PCDHGB1: variants seen among roughly 807,000 people sequenced by gnomAD.
The protein encoded by PCDHGB1 is protocadherin gamma-B1.
PCDHGB1 carries 34 observed loss-of-function variants against 56.6 expected under a neutral mutation model. The ratio of observed to expected loss-of-function variants is 0.60; its 90% confidence interval spans 0.46 to 0.80. PCDHGB1 has a LOEUF of 0.80. Ranked by LOEUF, PCDHGB1 falls within the 30% of genes least tolerant of loss-of-function variation. The pLI is 0.00. For synonymous variants in PCDHGB1, 561 were observed against 505.9 expected, an observed-to-expected ratio of 1.11 and a Z score of -1.46; for missense variants, 1,278 against 1,204.6, an observed-to-expected ratio of 1.06 and a Z score of -0.90.
chr5:141,355,168 C>G (rs767745541), intron 1 of PCDHGB1: 2 of 1,568,276 alleles, frequency 1.3e-6, no homozygotes, highest in Admixed American at 1.8e-5. Flanking sequence ...AGAGGGAAAA[C>G]CGAAGCACAG....
chr5:141,414,597 C>T, intron 1 of PCDHGB1: 5 of 1,613,972 alleles, frequency 3.1e-6, no homozygotes, highest in Non-Finnish European at 3.4e-6. Flanking sequence ...GGGGTGCCTC[C>T]ATCTTCTCAG....
At position 141,431,566 on chromosome 5, in the gene PCDHGB1, T is replaced by G; in HGVS notation, c.2410-63241T>G. ...TGCTTGTAGTCAACGCTACCGACCCTGACGAAGGAGTCAATGCGGAAGTGA... is the reference window on the plus strand; with the variant it reads ...TGCTTGTAGTCAACGCTACCGACCCGGACGAAGGAGTCAATGCGGAAGTGA... On this transcript the variant is annotated intron_variant, in intron 1 of 3. Transcript: ENST00000523390. This position sits in a 1 kb window ranked among gnomAD's most constrained non-coding sequence, Gnocchi z 4.8. 6.2e-7 allele frequency: 1 copy of G among 1,614,128 alleles called. No homozygotes were observed. The highest frequency in any genetic ancestry group is 1.1e-5 in the South Asian group (1 of 91,088).
At chr5:141,393,617 C>A (rs746699091) in intron 1 of PCDHGB1, 4 of 1,613,770 alleles carry the variant, frequency 2.5e-6, no homozygotes, top group African/African-American at 2.7e-5. Context: ...CAGCCAGCGA[C>A]CCGGATGAGG....
intron 1 of PCDHGB1, chr5:141,395,233 G>T: frequency 6.2e-7 from 1 of 1,602,052 alleles, no homozygotes; most frequent in Non-Finnish European, 8.5e-7. Context: ...GCTGATCATG[G>T]TCAGGTGAGT....
intron 1 of PCDHGB1, chr5:141,395,547 TGTGTGTGTGTGTG>T (rs2093269474): frequency 0.024 from 4,142 of 174,004 alleles, 329 homozygotes; most frequent in East Asian, 0.047. Flanking sequence ...ATTGTTTGTG[TGTGTGTGTGTGTG>T]TGTGTGTGTG....
In PCDHGB1 at chr5:141,487,579, A is replaced by G. The variant is rs779441421; in HGVS notation, c.2410-7228A>G. 60 of 1,614,022 alleles carry G rather than the reference A, an allele frequency of 3.7e-5. No homozygotes were observed. The South Asian group carries it at 6.0e-4, about 16-fold the overall frequency. The stretch of plus-strand genomic sequence containing the variant: ...CTATGGCAGGGGAGCCTGTTCGCCC[A>G]AGCTGCCCACCCTCTGATCTTCTCT... On this transcript the variant is annotated intron_variant, in intron 1 of 3. Transcript: ENST00000523390. This position sits in a 1 kb window ranked among gnomAD's most constrained non-coding sequence, Gnocchi z 5.0.
chr5:141,480,225 G>A (rs1217912404), intron 1 of PCDHGB1, among the ~76,000 whole-genome samples: 1 of 147,152 alleles, frequency 6.8e-6, no homozygotes, highest in East Asian at 2.0e-4. Flanking sequence ...GCGACATAGT[G>A]AGATCCTGTC....
chr5:141,414,498 C>CT (rs748856262), intron 1 of PCDHGB1: 40 of 1,613,848 alleles, frequency 2.5e-5, no homozygotes, highest in Non-Finnish European at 3.3e-5. Context: ...CGGAAGCTCA[C>CT]TTTATGCTAC....
At chr5:141,360,654 T>A (rs764068570) in intron 1 of PCDHGB1, 3 of 1,614,006 alleles carry the variant, frequency 1.9e-6, no homozygotes, top group Non-Finnish European at 2.5e-6. Flanking sequence ...ACCACCTTAA[T>A]GACAACGAGT....
intron 1 of PCDHGB1, chr5:141,402,906 C>T: frequency 1.3e-6 from 2 of 1,529,180 alleles, no homozygotes; most frequent in Non-Finnish European, 1.8e-6. Context: ...CCTGATGAAG[C>T]AGCGCGCACA....
intron 2 of PCDHGB1, among the ~76,000 whole-genome samples, chr5:141,495,471 G>A (rs2099761632): frequency 6.6e-6 from 1 of 152,190 alleles, no homozygotes; most frequent in Non-Finnish European, 1.5e-5. Context: ...TGGGGTCTCC[G>A]TGTCTCTGCC....
intron 1 of PCDHGB1, chr5:141,355,887 CATA>C (rs759872200): frequency 1.1e-5 from 17 of 1,613,492 alleles, no homozygotes; most frequent in Non-Finnish European, 1.4e-5. Flanking sequence ...CCAGGATTCT[CATA>C]ATACTTGTGG....
At chr5:141,408,879 C>A in intron 1 of PCDHGB1, 1 of 1,613,504 alleles carries the variant, frequency 6.2e-7, no homozygotes. Context: ...AGTGCCACCG[C>A]TCACATAGAA....
intron 1 of PCDHGB1, among the ~76,000 whole-genome samples, chr5:141,467,707 G>A (rs1203906639): frequency 6.6e-6 from 1 of 152,140 alleles, no homozygotes; most frequent in Non-Finnish European, 1.5e-5. Flanking sequence ...TGTTGCCCAG[G>A]CTGGAGTGTA....
intron 1 of PCDHGB1, chr5:141,372,529 C>G: frequency 6.2e-7 from 1 of 1,614,042 alleles, no homozygotes; most frequent in Non-Finnish European, 8.5e-7. Flanking sequence ...CTGGCAATCT[C>G]CCTGCGCCTG....
chr5:141,497,736 G>A (rs1437670417), intron 2 of PCDHGB1, among the ~76,000 whole-genome samples: 6 of 151,962 alleles, frequency 3.9e-5, no homozygotes, highest in Admixed American at 1.3e-4. Flanking sequence ...GATGGGTTTC[G>A]CCACGTTGGC....
chr5:141,384,191 C>T (rs376661364), intron 1 of PCDHGB1: 30 of 1,613,842 alleles, frequency 1.9e-5, no homozygotes, highest in Non-Finnish European at 2.5e-5. Context: ...GGAACTCCTC[C>T]CTTGTCCAGG....
chr5:141,403,530 AG>A (rs1303990777), intron 1 of PCDHGB1: 2 of 1,613,988 alleles, frequency 1.2e-6, no homozygotes. Context: ...ATAAACCCAG[AG>A]CTGGTGCTGG....
At chr5:141,430,206 TTATTA>T (rs1267858049) in intron 1 of PCDHGB1, among the ~76,000 whole-genome samples, 2 of 151,984 alleles carry the variant, frequency 1.3e-5, no homozygotes, top group African/African-American at 4.8e-5. Flanking sequence ...AAAGTTTAAA[TTATTA>T]TATTATATGA....
Sources: allele counts gnomAD v4.1 joint callset (sites outside exome capture counted in the v4.1 genomes callset), GRCh38; gene constraint gnomAD v4.1.1; non-coding constraint Gnocchi (gnomAD v3.1); transcripts MANE v1.5; gene names NCBI Gene and HGNC (gene_info 2026-07-23, HGNC 2026-07-21).